The following CSF2RB variants were observed in gnomAD, a reference collection of about 807,000 sequenced individuals.
CSF2RB encodes the protein cytokine receptor common subunit beta.
A neutral mutation model predicts 67.2 loss-of-function variants in CSF2RB; 22 were observed. That is an observed-to-expected ratio of 0.33 (90% CI 0.23 to 0.47). CSF2RB has a LOEUF of 0.47. Ranked by LOEUF, CSF2RB falls within the 20% of genes least tolerant of loss-of-function variation. CSF2RB has a pLI of 1.00. For missense variants in CSF2RB, 1,113 were observed against 1,174.5 expected, an observed-to-expected ratio of 0.95 and a Z score of 0.76; for synonymous variants, 507 against 482.9, an observed-to-expected ratio of 1.05 and a Z score of -0.65.
intron 13 of CSF2RB, 24 bp downstream of exon 13, chr22:36,936,676 C>T (rs1483556860): frequency 6.3e-7 from 1 of 1,588,564 alleles, no homozygotes; most frequent in African/African-American, 1.3e-5. Context: ...TGGATCACTC[C>T]TGACCTTTGG....
chr22:36,914,041 T>C (rs993887151), intron 1 of CSF2RB, among the ~76,000 whole-genome samples: 1 of 152,024 alleles, frequency 6.6e-6, no homozygotes, highest in Non-Finnish European at 1.5e-5. Flanking sequence ...GCTTTGTCAC[T>C]AAGATGCTGG....
Position 36,938,366 on chromosome 22 carries a change from A to T in CSF2RB, c.2558A>T (p.Gln853Leu). 1 of 1,614,128 alleles carries T rather than the reference A, an allele frequency of 6.2e-7. No homozygotes were observed. The change falls in exon 14 of 14, where the codon CAG becomes CTG. Residue 853 changes from glutamine (Q) to leucine (L), a missense_variant. Around this residue, in one of 2 missense-constraint regions of CSF2RB, gnomAD observed 554 missense variants for 517.9 expected, o/e 1.07. Transcript: ENST00000403662. ...GPGPEIKNLD[Q>L]AFQVKKPPGQ... ...GGTCCTGAGATCAAGAACCTAGACC[A>T]GGCTTTTCAAGTCAAGAAGCCCCCA...
Position 36,938,933 on chromosome 22 carries a change from T to C in CSF2RB, c.*431T>C, listed in dbSNP as rs1157557482. ...TGCGGCTGGTTGTGTTGAGGACTTGTGTGGGCTGCCTGTCCCCGGCAGTCG... is the reference window on the plus strand; with the variant it reads ...TGCGGCTGGTTGTGTTGAGGACTTGCGTGGGCTGCCTGTCCCCGGCAGTCG... On this transcript the variant is annotated 3_prime_UTR_variant, in exon 14 of 14. Transcript: ENST00000403662. 1.7e-6 allele frequency: 1 copy of C among 596,826 alleles called. No homozygotes were observed. Among genetic ancestry groups the C allele is most frequent in the African/African-American group, 1.9e-5 (1 of 53,792 alleles). The allele number at this position is 596,826 out of a possible 1,614,324, so 37.0% of individuals were successfully genotyped here. A position where few individuals can be genotyped will look rare whatever the true frequency, so the allele number is the denominator to read the frequency against.
Position 36,933,935 on chromosome 22 carries a change from C to T in CSF2RB, c.1256C>T (p.Thr419Ile). The part of the protein sequence containing the change: ...WARVRVRTSR[T>I]GYNGIWSEWS... ...AGGGTGAGGGTCAGGACCTCCCGCA[C>T]CGGCTACAACGGGATCTGGAGCGAG... The change falls in exon 10 of 14, where the codon ACC becomes ATC. Residue 419 changes from threonine to isoleucine, a missense_variant. Physicochemically the swap from Thr to Ile is moderately conservative, Grantham distance 89 (BLOSUM62 -1). Around this residue, in one of 2 missense-constraint regions of CSF2RB, gnomAD observed 559 missense variants for 656.5 expected, o/e 0.85. Coordinates refer to ENST00000403662, the MANE Select transcript of CSF2RB (RefSeq NM_000395.3). 6.2e-7 allele frequency: 1 copy of T among 1,612,722 alleles called. No individual in the cohort carries two copies. Among genetic ancestry groups the T allele is most frequent in the Middle Eastern group, 1.6e-4 (1 of 6,062 alleles).
intron 3 of CSF2RB, 81 bp from the exon 4 acceptor site, chr22:36,925,906 C>A: frequency 1.4e-6 from 2 of 1,447,688 alleles, no homozygotes; most frequent in Non-Finnish European, 1.9e-6. Context: ...CAGAGCCAGG[C>A]ATGTGGTGAG....
At chr22:36,929,596 G>A in intron 5 of CSF2RB, 37 bp downstream of exon 5, 1 of 1,614,170 alleles carries the variant, frequency 6.2e-7, no homozygotes, top group Non-Finnish European at 8.5e-7. Context: ...AGCCCGAAGG[G>A]ATGGGCAGCA....
chr22:36,926,204 G>A, intron 4 of CSF2RB, 27 bp downstream of exon 4: 1 of 1,611,800 alleles, frequency 6.2e-7, no homozygotes. Flanking sequence ...CCTGCCCGGG[G>A]CTTGGTTTCC....
intron 9 of CSF2RB, 125 bp from the exon 10 acceptor site, chr22:36,933,707 A>AGCC: frequency 7.6e-7 from 1 of 1,314,350 alleles, no homozygotes; most frequent in East Asian, 2.5e-5. Context: ...GTGAGAGAGA[A>AGCC]GCCGCAGCAG....
In CSF2RB at chr22:36,938,949, C is replaced by A. The variant is rs994288806; in HGVS notation, c.*447C>A. ...GAGGACTTGTGTGGGCTGCCTGTCCCCGGCAGTCGCTGATGCACATGACAT... is the reference window on the plus strand; with the variant it reads ...GAGGACTTGTGTGGGCTGCCTGTCCACGGCAGTCGCTGATGCACATGACAT... On this transcript the variant is annotated 3_prime_UTR_variant, in exon 14 of 14. Transcript: ENST00000403662. The A allele has an allele frequency of 5.0e-6, 3 of 599,764 alleles. No individual in the cohort carries two copies. The highest frequency in any genetic ancestry group is 8.9e-6 in the Non-Finnish European group (3 of 335,576). The allele number at this position is 599,764 out of a possible 1,614,324, so 37.2% of individuals were successfully genotyped here.
rs766480963 is a variant in CSF2RB, at chr22:36,936,545, G to A, written c.1465-4G>A. The A allele has an allele frequency of 1.1e-5, 17 of 1,612,336 alleles. No individual in the cohort carries two copies. In the South Asian group the frequency reaches 1.8e-4, roughly 17 times the overall value. The stretch of plus-strand genomic sequence containing the variant: ...CACCGGCCCAAATGTCTCTGCTCTT[G>A]CAGAACGGGAGCGCAGAGCTTTGGC... On this transcript the variant is annotated splice_region_variant and splice_polypyrimidine_tract_variant and intron_variant, in intron 12 of 13. Transcript: ENST00000403662.
In CSF2RB at chr22:36,940,406, G is replaced by GA. The variant is rs1158923483; in HGVS notation, c.*1910dup. 2 of 152,190 alleles carry GA rather than the reference G, an allele frequency of 1.3e-5. No homozygotes were observed. Among genetic ancestry groups the GA allele is most frequent in the Non-Finnish European group, 2.9e-5 (2 of 68,042 alleles). The allele number at this position is 152,190 out of a possible 1,614,324, so 9.4% of individuals were successfully genotyped here. ...CAAAATATCCAGACATTGTTAAAGG[G>GA]AAAAAATTGCAATAAAATATTTGTA... is the stretch of plus-strand genomic sequence containing the variant. On this transcript the variant is annotated 3_prime_UTR_variant, in exon 14 of 14. Coordinates refer to ENST00000403662, the MANE Select transcript of CSF2RB (RefSeq NM_000395.3).
At chr22:36,930,044 A>C (rs1414272782) in intron 6 of CSF2RB, among the ~76,000 whole-genome samples, 1 of 152,234 alleles carries the variant, frequency 6.6e-6, no homozygotes, top group Non-Finnish European at 1.5e-5. Context: ...TGGCAATTAC[A>C]ATAATAACAA....
At chr22:36,934,672 T>G (rs1489975521) in intron 10 of CSF2RB, among the ~76,000 whole-genome samples, 1 of 152,194 alleles carries the variant, frequency 6.6e-6, no homozygotes, top group Non-Finnish European at 1.5e-5. Flanking sequence ...CCCCTCACCT[T>G]TCACCACAGT....
At chr22:36,931,454 A>C (rs1487237515) in intron 8 of CSF2RB, among the ~76,000 whole-genome samples, 1 of 152,232 alleles carries the variant, frequency 6.6e-6, no homozygotes, top group Non-Finnish European at 1.5e-5. Flanking sequence ...TCCTCACTGG[A>C]AAAAGGAATT....
At chr22:36,919,113 C>G (rs993036419) in intron 1 of CSF2RB, among the ~76,000 whole-genome samples, 1 of 152,198 alleles carries the variant, frequency 6.6e-6, no homozygotes. Context: ...AGGAAATAGA[C>G]CTTTTTATTC....
intron 3 of CSF2RB, 102 bp from the exon 4 acceptor site, chr22:36,925,885 C>T: frequency 7.5e-7 from 1 of 1,325,524 alleles, no homozygotes; most frequent in Non-Finnish European, 1.1e-6. Context: ...CTGCTGGCCC[C>T]TGATTCTGAA....
Position 36,939,422 on chromosome 22 carries a change from A to G in CSF2RB, c.*920A>G. On this transcript the variant is annotated 3_prime_UTR_variant, in exon 14 of 14. Transcript: ENST00000403662. ...TTTGGTCCAAATGGCCCGGGTGGCC[A>G]CTCTTCCAGATAGACCAGGCAACTC... The G allele has an allele frequency of 1.7e-6, 1 of 600,518 alleles. No individual in the cohort carries two copies. Among genetic ancestry groups the G allele is most frequent in the South Asian group, 1.9e-5 (1 of 52,568 alleles). 37.2% of individuals were successfully genotyped at this position (600,518 alleles called of 1,614,324 possible).
chr22:36,939,323 C>G lies in CSF2RB; in HGVS notation c.*821C>G, dbSNP rs978141246. ...CATCAGGAGAGGAGTCCAGAGCCCACGTCTACTGCGGAAAAGTCAGGGGAA... is the reference window on the plus strand; with the variant it reads ...CATCAGGAGAGGAGTCCAGAGCCCAGGTCTACTGCGGAAAAGTCAGGGGAA... On this transcript the variant is annotated 3_prime_UTR_variant, in exon 14 of 14. Coordinates refer to ENST00000403662, the MANE Select transcript of CSF2RB (RefSeq NM_000395.3). 1 of 697,766 alleles carries G rather than the reference C, an allele frequency of 1.4e-6. No individual in the cohort carries two copies. 43.2% of individuals were successfully genotyped at this position (697,766 alleles called of 1,614,324 possible). A position where few individuals can be genotyped will look rare whatever the true frequency, so the allele number is the denominator to read the frequency against.
intron 2 of CSF2RB, 102 bp downstream of exon 2, chr22:36,922,385 C>G: frequency 3.8e-6 from 4 of 1,052,702 alleles, no homozygotes; most frequent in Non-Finnish European, 4.3e-6. Context: ...GCCAGCCCTC[C>G]TCCTGCTCCC....
Sources: allele counts gnomAD v4.1 joint callset (sites outside exome capture counted in the v4.1 genomes callset), GRCh38; gene constraint gnomAD v4.1.1; regional missense constraint gnomAD v4.1.1; transcripts MANE v1.5; gene names NCBI Gene and HGNC (gene_info 2026-07-23, HGNC 2026-07-21).